Variants in TEKT4 observed in about 807,000 individuals in gnomAD.
The protein encoded by TEKT4 is tektin-4.
Under a neutral mutation model 46.0 loss-of-function variants are expected in TEKT4, and 46 were observed. That is an observed-to-expected ratio of 1.00 (90% CI 0.79 to 1.28). The LOEUF (loss-of-function observed/expected upper bound fraction) is 1.28, where lower values mean the gene tolerates loss of function less well. TEKT4 is among the 50% of genes most tolerant of loss of function. The pLI is 0.00. For synonymous variants in TEKT4, 325 were observed against 265.8 expected (o/e 1.22, Z -2.17); for missense variants, 790 against 622.9 (o/e 1.27, Z -2.85).
rs1553395799 is a variant in TEKT4, at chr2:94,874,770, C to A, written c.714-6C>A. 5.8e-6 allele frequency: 9 copies of A among 1,561,874 alleles called. No homozygotes were observed. Among genetic ancestry groups the A allele is most frequent in the Non-Finnish European group, 7.8e-6 (9 of 1,156,590 alleles). ...GACCCTCTCCTGGCTGTCCCCCGCC[C>A]CGCAGCGCCTCCACCCCGGAGACCC... On this transcript the variant is annotated splice_polypyrimidine_tract_variant and splice_region_variant and intron_variant, in intron 3 of 5. Transcript: ENST00000295201.
intron 2 of TEKT4, 115 bp downstream of exon 2, chr2:94,873,705 C>A: frequency 1.4e-6 from 2 of 1,427,788 alleles, no homozygotes; most frequent in South Asian, 1.3e-5. Context: ...TGCCCCAGGT[C>A]ACAGTGGAGC....
In TEKT4 at chr2:94,871,835, G is replaced by C. The variant is rs782150785; in HGVS notation, c.256G>C (p.Asp86His). 1 of 1,607,678 alleles carries C rather than the reference G, an allele frequency of 6.2e-7. No homozygotes were observed. Among genetic ancestry groups the C allele is most frequent in the Non-Finnish European group, 8.5e-7 (1 of 1,178,118 alleles). Residue 86 changes from aspartate to histidine, a missense_variant, in exon 1 of 6, where the codon GAC becomes CAC. By Grantham distance (81) the Asp-to-His change is moderately conservative. Coordinates refer to ENST00000295201, the MANE Select transcript of TEKT4 (RefSeq NM_144705.4). ...GGCGCTGGCGCAGCGCACGCAGCAA[G>C]ACTCCACGCGCACAGTGGGCGAGCG... The part of the protein sequence containing the change: ...TQALAQRTQQ[D>H]STRTVGERLQ...
intron 1 of TEKT4, chr2:94,873,244 T>C: frequency 7.6e-7 from 1 of 1,319,624 alleles, no homozygotes; most frequent in Non-Finnish European, 9.7e-7. Flanking sequence ...CAGCGATGAC[T>C]CCTGAAGCCT....
intron 5 of TEKT4, among the ~76,000 whole-genome samples, chr2:94,876,340 C>T (rs782293151): frequency 2.6e-5 from 4 of 152,170 alleles, no homozygotes; most frequent in East Asian, 1.9e-4. Flanking sequence ...AGATTGCACA[C>T]GGGTCACTCA....
In TEKT4 at chr2:94,871,966, C is replaced by G. The variant is rs1680588931; in HGVS notation, c.387C>G (p.Ala129=). Residue 129 remains alanine, a synonymous_variant, in exon 1 of 6, where the codon GCC becomes GCG. Transcript: ENST00000295201. ...LLAQKQRLER[A]LDATEVPFSI... ...CCCAGAAGCAACGGCTGGAGCGCGC[C>G]CTGGACGCCACAGAGGTGCCCTTCT... 3 of 1,601,560 alleles carry G rather than the reference C, an allele frequency of 1.9e-6. No homozygotes were observed.
At chr2:94,874,554 G>A (rs1355256436) in intron 3 of TEKT4, among the ~76,000 whole-genome samples, 13 of 152,002 alleles carry the variant, frequency 8.6e-5, no homozygotes, top group Admixed American at 3.9e-4. Flanking sequence ...CTAAGTGCCC[G>A]GGGTGGGTAG....
Position 94,874,790 on chromosome 2 carries a change from A to G in TEKT4, c.728A>G (p.Glu243Gly). Residue 243 changes from glutamate to glycine, a missense_variant, in exon 4 of 6, where the codon GAG becomes GGG. By Grantham distance (98) the Glu-to-Gly change is moderately conservative. Transcript: ENST00000295201. Reference protein sequence around the residue: ...TTFQESASTPETRAKFTQDNL... With the variant: ...TTFQESASTPGTRAKFTQDNL... ...CCGCCCCGCAGCGCCTCCACCCCGG[A>G]GACCCGGGCCAAGTTCACGCAGGAC... 2 of 1,585,924 alleles carry G rather than the reference A, an allele frequency of 1.3e-6. No individual in the cohort carries two copies. The highest frequency in any genetic ancestry group is 2.3e-5 in the South Asian group (2 of 87,632).
chr2:94,871,829 C>A lies in TEKT4; in HGVS notation c.250C>A (p.Gln84Lys), dbSNP rs782037505. 30 of 1,608,354 alleles carry A rather than the reference C, an allele frequency of 1.9e-5. No homozygotes were observed. The highest frequency in any genetic ancestry group is 2.5e-5 in the Non-Finnish European group (30 of 1,178,194). Residue 84 changes from glutamine to lysine, a missense_variant, in exon 1 of 6, where the codon CAG (glutamine) becomes AAG (lysine). Gln to Lys is a moderately conservative substitution (Grantham distance 53, BLOSUM62 1). Transcript: ENST00000295201. ...GACCCAGGCGCTGGCGCAGCGCACG[C>A]AGCAAGACTCCACGCGCACAGTGGG... ...TETQALAQRTQQDSTRTVGER... is the reference protein window; with the variant it reads ...TETQALAQRTKQDSTRTVGER...
chr2:94,875,523 G>T, intron 4 of TEKT4, 65 bp from the exon 5 acceptor site: 3 of 1,599,728 alleles, frequency 1.9e-6, no homozygotes, highest in Non-Finnish European at 2.6e-6. Context: ...GGACCAGCCT[G>T]GTCTCGGCGT....
intron 2 of TEKT4, 136 bp downstream of exon 2, chr2:94,873,726 G>A (rs1680687890): frequency 1.5e-6 from 2 of 1,315,428 alleles, no homozygotes; most frequent in Non-Finnish European, 2.1e-6. Context: ...GCAGGACTGG[G>A]TGGGGGAGGT....
chr2:94,875,663 C>T lies in TEKT4; in HGVS notation c.1012C>T (p.Leu338=). 6.2e-7 allele frequency: 1 copy of T among 1,614,194 alleles called. No individual in the cohort carries two copies. Among genetic ancestry groups the T allele is most frequent in the South Asian group, 1.1e-5 (1 of 91,082 alleles). The part of the protein sequence containing the change: ...KQAIKDKEAP[L]HVAQTRLYLR... The stretch of plus-strand genomic sequence containing the variant: ...GGCCATCAAGGACAAAGAGGCACCT[C>T]TGCACGTAGCCCAGACCCGGCTGTA... The change falls in exon 5 of 6, where the codon CTG becomes TTG. Residue 338 remains leucine, a synonymous_variant. Coordinates refer to ENST00000295201, the MANE Select transcript of TEKT4 (RefSeq NM_144705.4).
At position 94,876,599 on chromosome 2, in the gene TEKT4, CGA is replaced by C; in HGVS notation, c.1143_1144del (p.Lys382AlafsTer?). On this transcript the variant is annotated frameshift_variant, in exon 6 of 6. Transcript: ENST00000295201. LOFTEE classifies it high-confidence loss of function. ...EELNMSLTAL[R>X]EKLLEAEQSL... Reference sequence around the variant, plus strand: ...GCTGAACATGTCCCTCACAGCACTGCGAGAGAAGCTTCTAGAAGCGGAGCAGT... The same window carrying C: ...GCTGAACATGTCCCTCACAGCACTGCGAGAAGCTTCTAGAAGCGGAGCAGT... 2 of 1,611,964 alleles carry C rather than the reference CGA, an allele frequency of 1.2e-6. No homozygotes were observed. The highest frequency in any genetic ancestry group is 1.7e-6 in the Non-Finnish European group (2 of 1,179,572).
rs113812263 is a variant in TEKT4, at chr2:94,876,619, G to A, written c.1158G>A (p.Ala386=). The A allele has an allele frequency of 9.9e-6, 16 of 1,612,078 alleles. No homozygotes were observed. The highest frequency in any genetic ancestry group is 8.9e-5 in the East Asian group (4 of 44,812). Residue 386 remains alanine, a synonymous_variant, in exon 6 of 6, where the codon GCG becomes GCA. Transcript: ENST00000295201. ...LTALREKLLE[A]EQSLRNLEDI... ...CACTGCGAGAGAAGCTTCTAGAAGC[G>A]GAGCAGTCCCTGCGCAACCTCGAGG...
chr2:94,873,790 A>G (rs1440872095), intron 2 of TEKT4, among the ~76,000 whole-genome samples, 175 bp from the exon 3 acceptor site: 1 of 152,094 alleles, frequency 6.6e-6, no homozygotes, highest in Non-Finnish European at 1.5e-5. Flanking sequence ...TCTGATCTGC[A>G]GCCTCCCAGC....
intron 3 of TEKT4, among the ~76,000 whole-genome samples, chr2:94,874,402 T>C (rs1680729619): frequency 1.3e-5 from 2 of 151,414 alleles, no homozygotes; most frequent in South Asian, 2.1e-4. Context: ...CACCGCCCAC[T>C]AGAGGGCGGC....
At position 94,873,557 on chromosome 2, in the gene TEKT4, A is replaced by G. The variant is rs1573183556; in HGVS notation, c.536A>G (p.Lys179Arg). 1 of 1,612,902 alleles carries G rather than the reference A, an allele frequency of 6.2e-7. No homozygotes were observed. The highest frequency in any genetic ancestry group is 1.1e-5 in the South Asian group (1 of 91,022). ...ELIRNIQELL[K>R]RTIMQAVSQI... ...ATCCGGAACATTCAGGAGCTGCTGA[A>G]GAGAACCATCATGCAAGCAGTGAGC... Residue 179 changes from lysine to arginine, a missense_variant, in exon 2 of 6, where the codon AAG becomes AGG. Coordinates refer to ENST00000295201, the MANE Select transcript of TEKT4 (RefSeq NM_144705.4).
In TEKT4 at chr2:94,875,634, A is replaced by T. The variant is rs781830360; in HGVS notation, c.983A>T (p.Lys328Met). 1.1e-5 allele frequency: 17 copies of T among 1,614,078 alleles called. No homozygotes were observed. The highest frequency in any genetic ancestry group is 1.3e-5 in the Non-Finnish European group (15 of 1,180,024). ...CAGGAACACAACGTGGCGGCACTGA[A>T]GCAGGCCATCAAGGACAAAGAGGCA... ...TDQEHNVAALKQAIKDKEAPL... is the reference protein window; with the variant it reads ...TDQEHNVAALMQAIKDKEAPL... The change falls in exon 5 of 6, where the codon AAG becomes ATG. Residue 328 changes from lysine to methionine, a missense_variant. Coordinates refer to ENST00000295201, the MANE Select transcript of TEKT4 (RefSeq NM_144705.4).
At chr2:94,872,134 C>G (rs560133691) in intron 1 of TEKT4, 57 bp downstream of exon 1, 24 of 1,475,678 alleles carry the variant, frequency 1.6e-5, no homozygotes, top group African/African-American at 2.8e-5. Context: ...GAGCCCCCCC[C>G]CCCGCAGTTC....
Position 94,875,661 on chromosome 2 carries a change from C to T in TEKT4, c.1010C>T (p.Pro337Leu). 6.2e-7 allele frequency: 1 copy of T among 1,614,172 alleles called. No homozygotes were observed. Among genetic ancestry groups the T allele is most frequent in the East Asian group, 2.2e-5 (1 of 44,872 alleles). Residue 337 changes from proline to leucine, a missense_variant, in exon 5 of 6, where the codon CCT (proline) becomes CTT (leucine). Transcript: ENST00000295201. ...LKQAIKDKEA[P>L]LHVAQTRLYL... The stretch of plus-strand genomic sequence containing the variant: ...CAGGCCATCAAGGACAAAGAGGCAC[C>T]TCTGCACGTAGCCCAGACCCGGCTG...
Sources: gnomAD v4.1 joint callset for allele counts (sites outside exome capture counted in the v4.1 genomes callset) on GRCh38, gnomAD v4.1.1 for gene constraint, MANE v1.5 for transcripts, NCBI Gene and HGNC (gene_info 2026-07-23, HGNC 2026-07-21) for gene names.